Variants in PLA2G6 observed in about 807,000 individuals in gnomAD.
The protein encoded by PLA2G6 is 85/88 kDa calcium-independent phospholipase A2.
In PLA2G6, 62 loss-of-function variants were observed where a neutral mutation model predicts 83.8. The observed-to-expected ratio is 0.74, with a 90% confidence interval of 0.60 to 0.91. The LOEUF (loss-of-function observed/expected upper bound fraction) is 0.91, where lower values mean the gene tolerates loss of function less well. Among genes scored for constraint, PLA2G6 ranks in the 40% least tolerant of loss-of-function variants. The probability of loss-of-function intolerance (pLI) is 0.00; values close to 1 mark genes in which losing one functional copy is unlikely to be tolerated. For synonymous variants in PLA2G6, 417 were observed against 449.8 expected, an observed-to-expected ratio of 0.93 and a Z score of 0.92; for missense variants, 944 against 1,102.0, an observed-to-expected ratio of 0.86 and a Z score of 2.03.
chr22:38,123,868 T>G lies in PLA2G6; in HGVS notation c.1428-610A>C, dbSNP rs1350399493. On this transcript the variant is annotated intron_variant, in intron 10 of 16. Transcript: ENST00000332509. This position sits in a 1 kb window ranked among gnomAD's most constrained non-coding sequence, Gnocchi z 4.1. Reference sequence around the variant, plus strand: ...TATTTATTTAGAGACGGAGTTTCACTCTTGTTGCCCAGGCTGGAGTGCAAT... The same window carrying G: ...TATTTATTTAGAGACGGAGTTTCACGCTTGTTGCCCAGGCTGGAGTGCAAT... Among the ~76,000 whole-genome samples, 3 of 152,118 alleles carry G rather than the reference T, an allele frequency of 2.0e-5. No homozygotes were observed. The highest frequency in any genetic ancestry group is 1.3e-4 in the Admixed American group (2 of 15,268).
chr22:38,133,674 T>C (rs1456024833), intron 6 of PLA2G6: 1 of 153,220 alleles, frequency 6.5e-6, no homozygotes, highest in African/African-American at 2.4e-5. Context: ...TCCTGGCCCA[T>C]CACATTGAGA....
chr22:38,112,893 CT>C, intron 15 of PLA2G6: 1 of 510,750 alleles, frequency 2.0e-6, no homozygotes, highest in Non-Finnish European at 3.6e-6. Flanking sequence ...TCCCTCCTCT[CT>C]CTCTCTCTCT....
At chr22:38,176,705 G>T (rs1602296932) in intron 1 of PLA2G6, among the ~76,000 whole-genome samples, 1 of 152,284 alleles carries the variant, frequency 6.6e-6, no homozygotes, top group African/African-American at 2.4e-5. Flanking sequence ...TTGGCAAAGG[G>T]TTTCACACTT....
rs1477240441 is a variant in PLA2G6 at position 38,120,754 on chromosome 22, C to T, written c.1742+5G>A. On this transcript the variant is annotated splice_donor_5th_base_variant and intron_variant, in intron 12 of 16. Transcript: ENST00000332509. ...CGGCCACGGCCCCAGTGCGCCAGGG[C>T]TTACTTGGGTTTCCTGACGTCCGTC... 2 of 1,613,604 alleles carry T rather than the reference C, an allele frequency of 1.2e-6. No individual in the cohort carries two copies. Among genetic ancestry groups the T allele is most frequent in the Non-Finnish European group, 1.7e-6 (2 of 1,180,014 alleles).
intron 1 of PLA2G6, among the ~76,000 whole-genome samples, chr22:38,170,091 G>A (rs1240105062): frequency 1.3e-5 from 2 of 151,838 alleles, no homozygotes; most frequent in Non-Finnish European, 2.9e-5. Flanking sequence ...CCAGCTGCCC[G>A]GGAAGCTGAG....
intron 15 of PLA2G6, among the ~76,000 whole-genome samples, chr22:38,113,234 A>G (rs1334165861): frequency 2.0e-5 from 3 of 152,242 alleles, no homozygotes; most frequent in East Asian, 3.9e-4. Flanking sequence ...GGGCTTCTAC[A>G]CTGCGCTATG....
intron 1 of PLA2G6, among the ~76,000 whole-genome samples, chr22:38,173,371 T>C (rs561850210): frequency 6.6e-6 from 1 of 151,824 alleles, no homozygotes; most frequent in Non-Finnish European, 1.5e-5. Context: ...CCAGGTCACC[T>C]GACACAGACC....
Position 38,132,801 on chromosome 22 carries a change from A to G in PLA2G6, c.1077+30T>C. 6.5e-7 allele frequency: 1 copy of G among 1,531,676 alleles called. No individual in the cohort carries two copies. The highest frequency in any genetic ancestry group is 2.2e-4 in the Middle Eastern group (1 of 4,506). The allele number at this position is 1,531,676 out of a possible 1,614,324, so 94.9% of individuals were successfully genotyped here. A position where few individuals can be genotyped will look rare whatever the true frequency, so the allele number is the denominator to read the frequency against. ...CCTCCTGCATTCCCACCGGGGCCCC[A>G]CAGGGCAGGACACGCGGTCCTGGGC... On this transcript the variant is annotated intron_variant, in intron 7 of 16. Coordinates refer to ENST00000332509, the MANE Select transcript of PLA2G6 (RefSeq NM_003560.4). This position sits in a 1 kb window ranked among gnomAD's most constrained non-coding sequence, Gnocchi z 5.0.
At chr22:38,138,423 G>A (rs2145794859) in intron 5 of PLA2G6, 1 of 152,454 alleles carries the variant, frequency 6.6e-6, no homozygotes, top group African/African-American at 2.4e-5. Context: ...GGGCTAGCAA[G>A]GTGGATGCAG....
chr22:38,144,904 G>A lies in PLA2G6; in HGVS notation c.425+534C>T, dbSNP rs767044300. The A allele has an allele frequency of 2.6e-5, 8 of 304,998 alleles. No homozygotes were observed. The East Asian group carries it at 8.3e-4, about 31-fold the overall frequency. 18.9% of individuals were successfully genotyped at this position (304,998 alleles called of 1,614,324 possible). A position where few individuals can be genotyped will look rare whatever the true frequency, so the allele number is the denominator to read the frequency against. On this transcript the variant is annotated intron_variant, in intron 3 of 16. Coordinates refer to ENST00000332509, the MANE Select transcript of PLA2G6 (RefSeq NM_003560.4). ...AAATAAAATGACGATACCTTGTGGG[G>A]GTTGGGAAAATTCAATTTCATGGTG...
chr22:38,112,620 C>A, intron 15 of PLA2G6, 43 bp from the exon 16 acceptor site: 1 of 1,500,770 alleles, frequency 6.7e-7, no homozygotes, highest in East Asian at 2.5e-5. Flanking sequence ...CCACACCCCG[C>A]CCGGCCCGCA....
intron 12 of PLA2G6, among the ~76,000 whole-genome samples, chr22:38,116,862 A>C (rs1320532303): frequency 1.3e-5 from 2 of 150,928 alleles, no homozygotes; most frequent in East Asian, 3.9e-4. Context: ...AAAAAAAAAA[A>C]AAAAAAAAAA....
chr22:38,116,851 CAA>C (rs57712042), intron 12 of PLA2G6, among the ~76,000 whole-genome samples: 543 of 37,564 alleles, frequency 0.014, 1 homozygote, highest in African/African-American at 0.043. Flanking sequence ...AACTCCGTCT[CAA>C]AAAAAAAAAA....
At chr22:38,147,577 G>A (rs547746388) in intron 2 of PLA2G6, 1 of 131,614 alleles carries the variant, frequency 7.6e-6, no homozygotes, top group Admixed American at 1.2e-4. Flanking sequence ...GTCTCACTCT[G>A]TTACCCAGGC....
chr22:38,120,568 AGCAGGT>A, intron 12 of PLA2G6, among the ~76,000 whole-genome samples, 185 bp downstream of exon 12: 1 of 152,292 alleles, frequency 6.6e-6, no homozygotes, highest in East Asian at 1.9e-4. Context: ...TCCTGCGCTC[AGCAGGT>A]GTCTGCATGC....
chr22:38,170,804 C>T (rs1339190959), intron 1 of PLA2G6, among the ~76,000 whole-genome samples: 1 of 152,076 alleles, frequency 6.6e-6, no homozygotes, highest in Non-Finnish European at 1.5e-5. Flanking sequence ...ACAGGATCAA[C>T]CCTGGGGACA....
chr22:38,176,158 G>A (rs535889124), intron 1 of PLA2G6, among the ~76,000 whole-genome samples: 3 of 152,244 alleles, frequency 2.0e-5, no homozygotes, highest in South Asian at 4.1e-4. Flanking sequence ...CTAAGTGATC[G>A]GACTGATCCA....
intron 1 of PLA2G6, among the ~76,000 whole-genome samples, chr22:38,176,207 A>C (rs2090625252): frequency 6.6e-6 from 1 of 152,120 alleles, no homozygotes; most frequent in African/African-American, 2.4e-5. Context: ...CTTTATATAT[A>C]GTCAGGGCAC....
intron 2 of PLA2G6, chr22:38,149,662 G>A (rs943490424): frequency 2.0e-5 from 3 of 152,162 alleles, no homozygotes; most frequent in African/African-American, 7.2e-5. Context: ...AACATTATAG[G>A]TCAGGCACAG....
Sources: gnomAD v4.1 joint callset for allele counts (sites outside exome capture counted in the v4.1 genomes callset) on GRCh38, gnomAD v4.1.1 for gene constraint, Gnocchi (gnomAD v3.1) non-coding constraint, MANE v1.5 for transcripts, NCBI Gene and HGNC (gene_info 2026-07-23, HGNC 2026-07-21) for gene names.